Variants in THSD7B observed in about 807,000 individuals in gnomAD.
THSD7B encodes the protein thrombospondin type 1 domain containing 7B.
In THSD7B, 138 loss-of-function variants were observed where a neutral mutation model predicts 213.6. That is an observed-to-expected ratio of 0.65 (90% confidence interval 0.56 to 0.74). The LOEUF (loss-of-function observed/expected upper bound fraction) is 0.74. THSD7B is among the 30% of genes least tolerant of loss of function. The probability of loss-of-function intolerance (pLI) is 0.00; values close to 1 mark genes in which losing one functional copy is unlikely to be tolerated. For synonymous variants in THSD7B, 742 were observed against 687.0 expected (o/e 1.08, Z -1.25); for missense variants, 1,931 against 1,991.5 (o/e 0.97, Z 0.58).
chr2:137,481,745 T>G lies in THSD7B; in HGVS notation c.3138+30722T>G, dbSNP rs148463509. On this transcript the variant is annotated intron_variant, in intron 15 of 27. Coordinates refer to ENST00000409968, the MANE Select transcript of THSD7B (RefSeq NM_001316349.2). ...TGCCAACCCACATCCCACTCCCCAG[T>G]AAGATATTAAACATTGGAGAATACA... is the stretch of plus-strand genomic sequence containing the variant. Among the ~76,000 whole-genome samples the G allele has an allele frequency of 6.9e-3, 1,045 of 152,306 alleles. 9 individuals carry two copies. Among genetic ancestry groups the G allele is most frequent in the African/African-American group, 0.024 (988 of 41,580 alleles).
chr2:136,921,002 G>C (rs1201194383), intron 2 of THSD7B, among the ~76,000 whole-genome samples: 1 of 152,086 alleles, frequency 6.6e-6, no homozygotes, highest in Non-Finnish European at 1.5e-5. Context: ...GCCCCTGAGA[G>C]CCCAGGGATG....
At chr2:137,201,148 T>TATTG (rs1421741913) in intron 7 of THSD7B, among the ~76,000 whole-genome samples, 1 of 152,190 alleles carries the variant, frequency 6.6e-6, no homozygotes, top group Non-Finnish European at 1.5e-5. Flanking sequence ...TGTTTGACTA[T>TATTG]ATTGATTGAT....
chr2:137,371,200 T>C (rs1272996118), intron 12 of THSD7B, among the ~76,000 whole-genome samples: 1 of 152,184 alleles, frequency 6.6e-6, no homozygotes, highest in Non-Finnish European at 1.5e-5. Context: ...TCTGTCTTCT[T>C]ACTCTCTCCC....
At chr2:137,448,898 T>G (rs1454684174) in intron 14 of THSD7B, among the ~76,000 whole-genome samples, 2 of 152,152 alleles carry the variant, frequency 1.3e-5, no homozygotes, top group African/African-American at 4.8e-5. Context: ...CTATGGTTTG[T>G]CCTGGGGAAT....
At chr2:137,371,304 G>A (rs972416872) in intron 12 of THSD7B, among the ~76,000 whole-genome samples, 1 of 152,188 alleles carries the variant, frequency 6.6e-6, no homozygotes, top group South Asian at 2.1e-4. Context: ...TTCTAATCAC[G>A]AATATCTGAA....
intron 17 of THSD7B, among the ~76,000 whole-genome samples, chr2:137,574,539 A>G (rs754642007): frequency 1.3e-5 from 2 of 152,050 alleles, no homozygotes; most frequent in Non-Finnish European, 2.9e-5. Flanking sequence ...GCTACATGTA[A>G]CTCTTAAGTT....
chr2:137,510,491 TAAA>T (rs1679938953), intron 15 of THSD7B, among the ~76,000 whole-genome samples: 1 of 152,166 alleles, frequency 6.6e-6, no homozygotes, highest in Admixed American at 6.5e-5. Flanking sequence ...TTCTAAATCT[TAAA>T]GAAGAAAGGA....
chr2:137,400,032 T>G (rs1451103136), intron 12 of THSD7B, among the ~76,000 whole-genome samples: 1 of 152,200 alleles, frequency 6.6e-6, no homozygotes, highest in East Asian at 1.9e-4. Context: ...TTCAGATCTA[T>G]TATTTCTGTT....
chr2:136,787,861 C>T (rs1681895814), intron 1 of THSD7B, among the ~76,000 whole-genome samples: 1 of 151,972 alleles, frequency 6.6e-6, no homozygotes, highest in African/African-American at 2.4e-5. Context: ...CTATTTTCTC[C>T]TTCTGTCCTA....
chr2:137,313,498 C>T (rs915547236), intron 12 of THSD7B, among the ~76,000 whole-genome samples: 19 of 151,380 alleles, frequency 1.3e-4, no homozygotes, highest in South Asian at 1.0e-3. Flanking sequence ...AGCATTTAGT[C>T]CATTTACATT....
At chr2:137,012,882 A>G (rs926460183) in intron 2 of THSD7B, among the ~76,000 whole-genome samples, 2 of 152,242 alleles carry the variant, frequency 1.3e-5, no homozygotes, top group Admixed American at 6.5e-5. Context: ...TTTTTTCCAA[A>G]TATGTCTCTG....
At chr2:137,589,861 G>T (rs77701389) in intron 17 of THSD7B, among the ~76,000 whole-genome samples, 8,048 of 152,204 alleles carry the variant, frequency 0.053, 326 homozygotes, top group Non-Finnish European at 0.083. Context: ...AATGCCAAGT[G>T]CTTCACAATT....
At chr2:137,400,456 G>T (rs1489194016) in intron 12 of THSD7B, among the ~76,000 whole-genome samples, 1 of 152,080 alleles carries the variant, frequency 6.6e-6, no homozygotes, top group Non-Finnish European at 1.5e-5. Context: ...TTGCTTCTGG[G>T]TACATGTAGT....
intron 1 of THSD7B, among the ~76,000 whole-genome samples, chr2:136,811,274 T>A (rs1461256474): frequency 6.6e-6 from 1 of 152,148 alleles, no homozygotes; most frequent in Non-Finnish European, 1.5e-5. Context: ...TTTTACAAAC[T>A]CACTAGATAG....
intron 19 of THSD7B, 96 bp downstream of exon 19, chr2:137,618,603 T>A: frequency 9.1e-7 from 1 of 1,103,602 alleles, no homozygotes; most frequent in Non-Finnish European, 1.3e-6. Context: ...ACAGACTGAT[T>A]TCTTCTCATC....
At chr2:137,416,834 G>T (rs1330093509) in intron 14 of THSD7B, among the ~76,000 whole-genome samples, 1 of 152,202 alleles carries the variant, frequency 6.6e-6, no homozygotes, top group Non-Finnish European at 1.5e-5. Context: ...GGGAATAGAG[G>T]AAATGAAATT....
chr2:137,319,169 T>G (rs1684205764), intron 12 of THSD7B, among the ~76,000 whole-genome samples: 1 of 152,086 alleles, frequency 6.6e-6, no homozygotes, highest in Non-Finnish European at 1.5e-5. Context: ...AACTTGTGGT[T>G]TTTTGAAGAC....
intron 2 of THSD7B, among the ~76,000 whole-genome samples, chr2:137,021,179 G>A (rs567022127): frequency 1.3e-5 from 2 of 152,248 alleles, no homozygotes; most frequent in South Asian, 4.1e-4. Flanking sequence ...TACATTTTTA[G>A]CCATTCTGGC....
At chr2:137,086,073 G>C (rs568883882) in intron 3 of THSD7B, among the ~76,000 whole-genome samples, 1 of 152,220 alleles carries the variant, frequency 6.6e-6, no homozygotes, top group South Asian at 2.1e-4. Context: ...TTGGCTGGGT[G>C]CGGTGGCTTA....
Sources: allele counts gnomAD v4.1 joint callset (sites outside exome capture counted in the v4.1 genomes callset), GRCh38; gene constraint gnomAD v4.1.1; transcripts MANE v1.5; gene names NCBI Gene and HGNC (gene_info 2026-07-23, HGNC 2026-07-21).